Variants in GALNT14 observed in about 807,000 individuals in gnomAD.
The protein encoded by GALNT14 is polypeptide N-acetylgalactosaminyltransferase 14, also known as UDP-GalNAc:polypeptide N-acetylgalactosaminyltransferase 14.
In GALNT14, 60 loss-of-function variants were observed where a neutral mutation model predicts 77.5. That is an observed-to-expected ratio of 0.77 (90% CI 0.63 to 0.96). The LOEUF (loss-of-function observed/expected upper bound fraction) is 0.96, where lower values mean the gene tolerates loss of function less well. GALNT14 is among the 40% of genes least tolerant of loss of function. The pLI, the probability that GALNT14 is intolerant of heterozygous loss-of-function variation, is 0.00. For synonymous variants in GALNT14, 280 were observed against 281.7 expected (o/e 0.99, Z 0.06); for missense variants, 710 against 731.0 (o/e 0.97, Z 0.33).
At chr2:31,018,260 C>A (rs4952026) in intron 1 of GALNT14, among the ~76,000 whole-genome samples, 1 of 152,086 alleles carries the variant, frequency 6.6e-6, no homozygotes, top group South Asian at 2.1e-4. Flanking sequence ...TACCATATAT[C>A]ATTCACTCTT....
intron 9 of GALNT14, 82 bp downstream of exon 9, chr2:30,942,119 G>T: frequency 3.2e-6 from 3 of 931,880 alleles, no homozygotes; most frequent in Non-Finnish European, 3.4e-6. Context: ...CTTGGTGTTG[G>T]ATCCAAAACC....
intron 10 of GALNT14, among the ~76,000 whole-genome samples, chr2:30,929,892 A>G (rs1207145252): frequency 6.6e-6 from 1 of 152,200 alleles, no homozygotes; most frequent in Non-Finnish European, 1.5e-5. Context: ...GAAGGTAATG[A>G]TATTTTTCCC....
intron 2 of GALNT14, among the ~76,000 whole-genome samples, chr2:30,966,825 C>A (rs1279790785): frequency 6.6e-6 from 1 of 152,150 alleles, no homozygotes; most frequent in Non-Finnish European, 1.5e-5. Flanking sequence ...GAGGCAGAGC[C>A]CCAAACCCTG....
At chr2:31,002,974 A>T (rs1372031441) in intron 1 of GALNT14, among the ~76,000 whole-genome samples, 1 of 152,170 alleles carries the variant, frequency 6.6e-6, no homozygotes, top group Non-Finnish European at 1.5e-5. Flanking sequence ...TCTTCCTCTC[A>T]CTGGAATTCT....
intron 1 of GALNT14, among the ~76,000 whole-genome samples, chr2:31,021,113 G>T (rs546525087): frequency 6.6e-6 from 1 of 152,150 alleles, no homozygotes; most frequent in South Asian, 2.1e-4. Context: ...TCAAACAAGA[G>T]CTTGAACAGC....
At chr2:31,089,841 C>A (rs989483290) in intron 1 of GALNT14, among the ~76,000 whole-genome samples, 1 of 152,140 alleles carries the variant, frequency 6.6e-6, no homozygotes, top group Admixed American at 6.5e-5. Flanking sequence ...CTTGTTTATA[C>A]CTGAAAGACA....
intron 1 of GALNT14, among the ~76,000 whole-genome samples, chr2:31,102,210 A>G (rs1677315045): frequency 6.6e-6 from 1 of 151,940 alleles, no homozygotes. Flanking sequence ...CTTCTGCAAT[A>G]TTTCATTTTA....
chr2:30,903,185 G>A, the GALNT14 span, among the ~76,000 whole-genome samples: 1,650 of 152,282 alleles, frequency 0.011, 33 homozygotes, highest in African/African-American at 0.038. Context: ...AGCAGTCTGC[G>A]GTAATGGATT....
intron 13 of GALNT14, among the ~76,000 whole-genome samples, chr2:30,923,056 CTT>C (rs56163710): frequency 0.016 from 1,864 of 116,380 alleles, 18 homozygotes; most frequent in African/African-American, 0.052. Context: ...ACAAACGTGC[CTT>C]TTTTTTTTTT....
At chr2:30,991,754 G>A (rs1381456065) in intron 2 of GALNT14, among the ~76,000 whole-genome samples, 1 of 152,192 alleles carries the variant, frequency 6.6e-6, no homozygotes, top group Non-Finnish European at 1.5e-5. Context: ...AAGCATACAT[G>A]CTGTTTAGAA....
chr2:30,902,066 C>G, the GALNT14 span, among the ~76,000 whole-genome samples: 3 of 152,176 alleles, frequency 2.0e-5, no homozygotes, highest in African/African-American at 7.2e-5. Context: ...ACTGAGGGCT[C>G]TCATTCAGCA....
chr2:30,894,244 G>C, the GALNT14 span, among the ~76,000 whole-genome samples: 2 of 152,166 alleles, frequency 1.3e-5, no homozygotes, highest in Non-Finnish European at 2.9e-5. Context: ...TTAGCTCACT[G>C]TAGCCTCAGT....
At chr2:30,926,501 A>T (rs116734675) in intron 11 of GALNT14, among the ~76,000 whole-genome samples, 1 of 152,080 alleles carries the variant, frequency 6.6e-6, no homozygotes, top group Non-Finnish European at 1.5e-5. Context: ...AGGGATTGGA[A>T]CTCAAAGGAT....
intron 6 of GALNT14, among the ~76,000 whole-genome samples, chr2:30,948,441 G>A (rs148545319): frequency 2.0e-5 from 3 of 152,334 alleles, no homozygotes; most frequent in South Asian, 2.1e-4. Context: ...ACCTTGGGCC[G>A]TGTGGTACCA....
intron 13 of GALNT14, among the ~76,000 whole-genome samples, chr2:30,921,413 T>C (rs1278096617): frequency 1.3e-5 from 2 of 152,222 alleles, no homozygotes; most frequent in Admixed American, 6.5e-5. Flanking sequence ...GAGCAAATTA[T>C]GTCATTCTCA....
intron 2 of GALNT14, among the ~76,000 whole-genome samples, chr2:30,968,062 G>A (rs370721018): frequency 6.6e-6 from 1 of 152,174 alleles, no homozygotes; most frequent in African/African-American, 2.4e-5. Flanking sequence ...TGTCCTTTGT[G>A]TTGCCATCAT....
intron 8 of GALNT14, among the ~76,000 whole-genome samples, chr2:30,944,044 G>A (rs1666537293): frequency 6.6e-6 from 1 of 152,204 alleles, no homozygotes; most frequent in Admixed American, 6.5e-5. Flanking sequence ...TCTGGACTGA[G>A]AAATCCAGTG....
At chr2:30,953,433 C>CGA (rs1168160902) in intron 6 of GALNT14, among the ~76,000 whole-genome samples, 1 of 151,832 alleles carries the variant, frequency 6.6e-6, no homozygotes, top group African/African-American at 2.4e-5. Flanking sequence ...CTCAGCCTCC[C>CGA]GAGTAGCTGG....
At chr2:30,891,018 T>C in the GALNT14 span, among the ~76,000 whole-genome samples, 522 of 152,166 alleles carry the variant, frequency 3.4e-3, no homozygotes, top group Non-Finnish European at 5.9e-3. Context: ...TGAGGGATCA[T>C]GGAAAAGTCA....
Sources: gnomAD v4.1 joint callset for allele counts (sites outside exome capture counted in the v4.1 genomes callset) on GRCh38, gnomAD v4.1.1 for gene constraint, MANE v1.5 for transcripts, NCBI Gene and HGNC (gene_info 2026-07-23, HGNC 2026-07-21) for gene names.